PCDHGA11: variants seen among roughly 807,000 people sequenced by gnomAD.
PCDHGA11 encodes the protein protocadherin gamma-A11.
A neutral mutation model predicts 60.4 loss-of-function variants in PCDHGA11; 39 were observed. The observed-to-expected ratio is 0.65, with a 90% confidence interval of 0.50 to 0.84. The LOEUF (loss-of-function observed/expected upper bound fraction) is 0.84, where lower values mean the gene tolerates loss of function less well. Ranked by LOEUF, PCDHGA11 falls within the 40% of genes least tolerant of loss-of-function variation. PCDHGA11 has a pLI of 0.00. For synonymous variants in PCDHGA11, 533 were observed against 510.3 expected (o/e 1.04, Z -0.60); for missense variants, 1,165 against 1,197.7 (o/e 0.97, Z 0.40).
Position 141,432,480 on chromosome 5 carries a change from G to T in PCDHGA11, c.2433+8820G>T, listed in dbSNP as rs775075732. On this transcript the variant is annotated intron_variant, in intron 1 of 3. Transcript: ENST00000398587. This position sits in a 1 kb window ranked among gnomAD's most constrained non-coding sequence, Gnocchi z 6.0. ...GCCCTCCCCACGGACGGTTCCACTG[G>T]CGTGGAGCTGGCTCCCCGCTCCGCA... The T allele has an allele frequency of 1.9e-6, 3 of 1,614,180 alleles. No individual in the cohort carries two copies. The highest frequency in any genetic ancestry group is 2.2e-5 in the South Asian group (2 of 91,078).
intron 1 of PCDHGA11, among the ~76,000 whole-genome samples, chr5:141,469,031 C>T (rs963001535): frequency 1.3e-5 from 2 of 152,070 alleles, no homozygotes; most frequent in Admixed American, 6.6e-5. Flanking sequence ...AATCCCAGCA[C>T]TTTGGGAGGC....
At chr5:141,496,164 C>T (rs745320704) in intron 2 of PCDHGA11, among the ~76,000 whole-genome samples, 1 of 152,084 alleles carries the variant, frequency 6.6e-6, no homozygotes, top group Non-Finnish European at 1.5e-5. Context: ...CCACCAGACA[C>T]CCTCCCATCC....
intron 1 of PCDHGA11, among the ~76,000 whole-genome samples, chr5:141,435,462 T>G (rs1206913100): frequency 6.6e-6 from 1 of 152,230 alleles, no homozygotes; most frequent in Non-Finnish European, 1.5e-5. Flanking sequence ...TGTATGTGTT[T>G]CCAAGTTAGA....
rs767291767 is a variant in PCDHGA11, at chr5:141,487,668, T to C, written c.2434-7139T>C. ...CTTGAGGGTTATTCTGATCCAGGCA[T>C]ATGGCTAGGCCATGTCCTAGAGAGT... is the stretch of plus-strand genomic sequence containing the variant. On this transcript the variant is annotated intron_variant, in intron 1 of 3. Transcript: ENST00000398587. The surrounding 1 kb of genome is among the most constrained non-coding windows in gnomAD (Gnocchi z 5.0). 1.9e-6 allele frequency: 3 copies of C among 1,612,658 alleles called. No homozygotes were observed. Among genetic ancestry groups the C allele is most frequent in the South Asian group, 1.1e-5 (1 of 90,650 alleles).
Position 141,511,029 on chromosome 5 carries a change from G to A in PCDHGA11, c.2664G>A (p.Leu888=), listed in dbSNP as rs1372346241. The part of the protein sequence containing the change: ...LSARYGPQFT[L]QHVPDYRQNV... ...CCCGCTACGGACCCCAGTTCACCCT[G>A]CAGCACGTGCCCGACTACCGCCAGA... The change falls in exon 4 of 4, where the codon CTG becomes CTA. Residue 888 remains leucine, a synonymous_variant. Transcript: ENST00000398587. 6.2e-7 allele frequency: 1 copy of A among 1,614,078 alleles called. No individual in the cohort carries two copies. Among genetic ancestry groups the A allele is most frequent in the Non-Finnish European group, 8.5e-7 (1 of 1,180,032 alleles).
In PCDHGA11 at chr5:141,485,818, C is replaced by T; in HGVS notation, c.2434-8989C>T. 6 of 1,613,912 alleles carry T rather than the reference C, an allele frequency of 3.7e-6. No homozygotes were observed. The highest frequency in any genetic ancestry group is 5.1e-6 in the Non-Finnish European group (6 of 1,179,974). On this transcript the variant is annotated intron_variant, in intron 1 of 3. Transcript: ENST00000398587. This position sits in a 1 kb window ranked among gnomAD's most constrained non-coding sequence, Gnocchi z 5.7. ...ACTACCGCCTGGTGCTGACTGCTGTCGATGGAGGGAACCCGCCGAGATCTG... is the reference window on the plus strand; with the variant it reads ...ACTACCGCCTGGTGCTGACTGCTGTTGATGGAGGGAACCCGCCGAGATCTG...
intron 1 of PCDHGA11, chr5:141,430,923 A>C (rs2097325574): frequency 6.2e-7 from 1 of 1,607,168 alleles, no homozygotes; most frequent in African/African-American, 1.3e-5. Context: ...CTGGGGCTGG[A>C]GCCCCGGGAG....
Position 141,423,022 on chromosome 5 carries a change from T to C in PCDHGA11, c.1795T>C (p.Ser599Pro). 6.2e-7 allele frequency: 1 copy of C among 1,614,194 alleles called. No individual in the cohort carries two copies. Among genetic ancestry groups the C allele is most frequent in the Non-Finnish European group, 8.5e-7 (1 of 1,180,034 alleles). The change falls in exon 1 of 4, where the codon TCA becomes CCA. Residue 599 changes from serine to proline, a missense_variant. Transcript: ENST00000398587. ...VTKVVAVDKD[S>P]GQNAWLSYRL... The stretch of plus-strand genomic sequence containing the variant: ...CAAGGTGGTTGCGGTGGACAAAGAT[T>C]CAGGCCAGAACGCCTGGCTGTCCTA...
chr5:141,450,568 C>A (rs2098685790), intron 1 of PCDHGA11, among the ~76,000 whole-genome samples: 1 of 152,002 alleles, frequency 6.6e-6, no homozygotes. Flanking sequence ...CTCACTGCAA[C>A]TTCTGCCTCC....
intron 1 of PCDHGA11, among the ~76,000 whole-genome samples, chr5:141,467,591 T>C (rs765816743): frequency 3.3e-5 from 5 of 152,360 alleles, no homozygotes; most frequent in South Asian, 4.1e-4. Flanking sequence ...ATGCCATTTA[T>C]TAAGCACTTC....
chr5:141,449,528 G>C (rs1298713821), intron 1 of PCDHGA11, among the ~76,000 whole-genome samples: 1 of 149,040 alleles, frequency 6.7e-6, no homozygotes, highest in African/African-American at 2.5e-5. Context: ...GGCGGAGGTT[G>C]CAGTGAGCCG....
chr5:141,463,359 T>C (rs2099057442), intron 1 of PCDHGA11, among the ~76,000 whole-genome samples: 2 of 151,672 alleles, frequency 1.3e-5, no homozygotes, highest in Admixed American at 6.6e-5. Flanking sequence ...GGATTTCCCC[T>C]TTCCTGCCCC....
At chr5:141,448,086 TA>T (rs558292628) in intron 1 of PCDHGA11, among the ~76,000 whole-genome samples, 67 of 146,274 alleles carry the variant, frequency 4.6e-4, no homozygotes, top group African/African-American at 8.0e-4. Context: ...AATGCCATCT[TA>T]AAAAAAAAAA....
In PCDHGA11 at chr5:141,423,477, C is replaced by T. The variant is rs376147466; in HGVS notation, c.2250C>T (p.Phe750=). The T allele has an allele frequency of 1.5e-5, 24 of 1,613,872 alleles. No individual in the cohort carries two copies. The highest frequency in any genetic ancestry group is 1.9e-5 in the Non-Finnish European group (23 of 1,179,946). ...TAGGCGTGGACGGGGTACAGGCTTTCCTGCAAACCTATTCCCACGAGGTCT... is the reference window on the plus strand; with the variant it reads ...TAGGCGTGGACGGGGTACAGGCTTTTCTGCAAACCTATTCCCACGAGGTCT... ...HFVGVDGVQA[F]LQTYSHEVSL... The change falls in exon 1 of 4, where the codon TTC becomes TTT. Residue 750 remains phenylalanine, a synonymous_variant. Transcript: ENST00000398587.
chr5:141,427,671 A>T (rs1441504057), intron 1 of PCDHGA11: 1 of 798,486 alleles, frequency 1.3e-6, no homozygotes, highest in East Asian at 2.6e-5. Flanking sequence ...GGCCGAAAAC[A>T]ACCTTCCCGG....
At chr5:141,445,508 T>C (rs2098468947) in intron 1 of PCDHGA11, among the ~76,000 whole-genome samples, 1 of 152,200 alleles carries the variant, frequency 6.6e-6, no homozygotes, top group Non-Finnish European at 1.5e-5. Context: ...TAATACATGA[T>C]ATTTTACAGG....
At chr5:141,437,035 C>T (rs991186972) in intron 1 of PCDHGA11, among the ~76,000 whole-genome samples, 1 of 152,120 alleles carries the variant, frequency 6.6e-6, no homozygotes, top group Non-Finnish European at 1.5e-5. Context: ...AATGGATCAC[C>T]GAAACCAGAA....
In PCDHGA11 at chr5:141,432,931, G is replaced by A. The variant is rs2097550450; in HGVS notation, c.2433+9271G>A. The A allele has an allele frequency of 6.2e-7, 1 of 1,614,198 alleles. No individual in the cohort carries two copies. The highest frequency in any genetic ancestry group is 2.2e-5 in the East Asian group (1 of 44,864). Reference sequence around the variant, plus strand: ...TGCGGCGCTGGCACAAGTCACGCCTGCTGCAGGCTTCAGGAGGCGGCTTGA... The same window carrying A: ...TGCGGCGCTGGCACAAGTCACGCCTACTGCAGGCTTCAGGAGGCGGCTTGA... On this transcript the variant is annotated intron_variant, in intron 1 of 3. Transcript: ENST00000398587. The surrounding 1 kb of genome is among the most constrained non-coding windows in gnomAD (Gnocchi z 6.0).
intron 1 of PCDHGA11, chr5:141,424,783 T>C (rs1285808638): frequency 1.3e-5 from 2 of 152,212 alleles, no homozygotes; most frequent in African/African-American, 4.8e-5. Flanking sequence ...TACATTCAGT[T>C]CTTTTATTCA....
Sources: allele counts gnomAD v4.1 joint callset (sites outside exome capture counted in the v4.1 genomes callset), GRCh38; gene constraint gnomAD v4.1.1; non-coding constraint Gnocchi (gnomAD v3.1); transcripts MANE v1.5; gene names NCBI Gene and HGNC (gene_info 2026-07-23, HGNC 2026-07-21).